Variants in ABLIM2 observed in about 807,000 individuals in gnomAD.
The protein encoded by ABLIM2 is actin binding LIM protein family member 2, also known as actin-binding LIM protein 2.
A neutral mutation model predicts 97.7 loss-of-function variants in ABLIM2; 53 were observed. The ratio of observed to expected loss-of-function variants is 0.54; its 90% CI spans 0.44 to 0.68. The LOEUF (loss-of-function observed/expected upper bound fraction) is 0.68, where lower values mean the gene tolerates loss of function less well. Among genes scored for constraint, ABLIM2 ranks in the 30% least tolerant of loss-of-function variants. The pLI is 0.00. For synonymous variants in ABLIM2, 361 were observed against 345.8 expected (o/e 1.04, Z -0.49); for missense variants, 835 against 867.2 (o/e 0.96, Z 0.47).
At chr4:8,115,228 A>G (rs10938691) in intron 1 of ABLIM2, among the ~76,000 whole-genome samples, 110,838 of 152,024 alleles carry the variant, frequency 0.73, 41,106 homozygotes, top group South Asian at 0.94. Flanking sequence ...ACCTCCTGGG[A>G]TGTCATCCAC....
intron 20 of ABLIM2, among the ~76,000 whole-genome samples, chr4:7,973,501 GAAA>G (rs35927675): frequency 7.2e-6 from 1 of 139,406 alleles, no homozygotes; most frequent in Non-Finnish European, 1.6e-5. Context: ...ACTACGTCTT[GAAA>G]AAAAAAAAAG....
In ABLIM2 at chr4:8,044,279, C is replaced by G. The variant is rs1790695335; in HGVS notation, c.900+885G>C. Among the ~76,000 whole-genome samples the G allele has an allele frequency of 6.6e-6, 1 of 152,100 alleles. No individual in the cohort carries two copies. The highest frequency in any genetic ancestry group is 2.4e-5 in the African/African-American group (1 of 41,418). On this transcript the variant is annotated intron_variant, in intron 9 of 20. Transcript: ENST00000447017. The surrounding 1 kb of genome is among the most constrained non-coding windows in gnomAD (Gnocchi z 4.4). ...GTCCCAGTCACCAGCCATTCCAGTG[C>G]TGGGTTCTGGTGCAGGGGCAGCCTA...
chr4:7,989,952 C>G (rs1578063078), intron 17 of ABLIM2, among the ~76,000 whole-genome samples: 1 of 152,210 alleles, frequency 6.6e-6, no homozygotes, highest in Non-Finnish European at 1.5e-5. Context: ...GAGCATCTAC[C>G]ATGCATCAGG....
intron 1 of ABLIM2, among the ~76,000 whole-genome samples, chr4:8,145,152 G>C (rs1013935687): frequency 2.0e-5 from 3 of 151,812 alleles, no homozygotes; most frequent in African/African-American, 7.3e-5. Context: ...CCTGTGCCCA[G>C]TGTTGCTAGG....
At chr4:8,037,294 GCA>G (rs141721278) in intron 9 of ABLIM2, among the ~76,000 whole-genome samples, 10,215 of 151,346 alleles carry the variant, frequency 0.067, 379 homozygotes, top group East Asian at 0.15. Flanking sequence ...ACGCACACAT[GCA>G]CACACACACG....
At chr4:8,137,110 G>T (rs1344102299) in intron 1 of ABLIM2, among the ~76,000 whole-genome samples, 1 of 152,204 alleles carries the variant, frequency 6.6e-6, no homozygotes, top group Non-Finnish European at 1.5e-5. Context: ...CTCCAGAAGT[G>T]TGAGAGTTCA....
At chr4:8,114,814 C>A (rs1157725681) in intron 1 of ABLIM2, among the ~76,000 whole-genome samples, 1 of 152,188 alleles carries the variant, frequency 6.6e-6, no homozygotes, top group African/African-American at 2.4e-5. Context: ...CGTCCCCAAA[C>A]AGTCACCAGA....
chr4:8,138,955 G>A (rs1850552822), intron 1 of ABLIM2, among the ~76,000 whole-genome samples: 1 of 152,224 alleles, frequency 6.6e-6, no homozygotes, highest in Non-Finnish European at 1.5e-5. Flanking sequence ...CCAGCACTTT[G>A]GGAGGCCTAG....
rs1332024823 is a variant in ABLIM2, at chr4:7,966,714, C to T, written c.*276G>A. On this transcript the variant is annotated 3_prime_UTR_variant, in exon 21 of 21. Coordinates refer to ENST00000447017, the MANE Select transcript of ABLIM2 (RefSeq NM_001130083.2). ...GGGCTGGGCTGCAGCCACCTGTGTGCTCCATCTGATGCCCGACACAGCCAC... is the reference window on the plus strand; with the variant it reads ...GGGCTGGGCTGCAGCCACCTGTGTGTTCCATCTGATGCCCGACACAGCCAC... 9.1e-6 allele frequency: 4 copies of T among 440,322 alleles called. No homozygotes were observed. Among genetic ancestry groups the T allele is most frequent in the African/African-American group, 7.8e-5 (4 of 51,062 alleles). The allele number at this position is 440,322 out of a possible 1,614,324, so 27.3% of individuals were successfully genotyped here. A position where few individuals can be genotyped will look rare whatever the true frequency, so the allele number is the denominator to read the frequency against.
At chr4:8,016,595 C>T (rs1335229075) in intron 14 of ABLIM2, among the ~76,000 whole-genome samples, 1 of 152,138 alleles carries the variant, frequency 6.6e-6, no homozygotes, top group Non-Finnish European at 1.5e-5. Flanking sequence ...TTGCAGGTCC[C>T]AGGAAGAAAT....
Position 8,125,336 on chromosome 4 carries a change from C to T in ABLIM2, c.11-18699G>A, listed in dbSNP as rs771602609. Among the ~76,000 whole-genome samples, 37 of 152,172 alleles carry T rather than the reference C, an allele frequency of 2.4e-4. No individual in the cohort carries two copies. The highest frequency in any genetic ancestry group is 4.1e-4 in the South Asian group (2 of 4,828). ...TCTGAGTGTTCTTCTAAGAGATTTA[C>T]GGGTTTTTTGGTTTTACTGTAATTT... On this transcript the variant is annotated intron_variant, in intron 1 of 20. Transcript: ENST00000447017. This position sits in a 1 kb window ranked among gnomAD's most constrained non-coding sequence, Gnocchi z 6.2.
intron 12 of ABLIM2, among the ~76,000 whole-genome samples, chr4:8,024,301 C>G (rs1775906178): frequency 6.6e-6 from 1 of 152,222 alleles, no homozygotes; most frequent in East Asian, 1.9e-4. Context: ...ACAGGGGACA[C>G]GCCAAACTGA....
chr4:8,097,084 T>C lies in ABLIM2; in HGVS notation c.338+15A>G, dbSNP rs746724686. 5.0e-6 allele frequency: 8 copies of C among 1,590,552 alleles called. No individual in the cohort carries two copies. Among genetic ancestry groups the C allele is most frequent in the Non-Finnish European group, 6.9e-6 (8 of 1,166,782 alleles). ...AGAGGCAGGGGAAGCAGAGGCCAGGTGCCCACTTACTCACCGGCAGACGGC... is the reference window on the plus strand; with the variant it reads ...AGAGGCAGGGGAAGCAGAGGCCAGGCGCCCACTTACTCACCGGCAGACGGC... On this transcript the variant is annotated intron_variant, in intron 3 of 20. Transcript: ENST00000447017.
intron 20 of ABLIM2, among the ~76,000 whole-genome samples, chr4:7,974,173 G>GTCTA (rs370714600): frequency 1.6e-4 from 24 of 151,932 alleles, no homozygotes; most frequent in African/African-American, 5.3e-4. Context: ...CTGTCTGTCT[G>GTCTA]TCTATCTATC....
rs753803722 is a variant in ABLIM2, at chr4:8,036,136, G to T, written c.1047+13C>A. ...GACACAGGTGTCCAGGGCCATGTGG[G>T]CAGGGTCCATACCTCGCCGTAGCTC... On this transcript the variant is annotated intron_variant, in intron 10 of 20. Coordinates refer to ENST00000447017, the MANE Select transcript of ABLIM2 (RefSeq NM_001130083.2). The T allele has an allele frequency of 2.5e-6, 4 of 1,613,012 alleles. No individual in the cohort carries two copies. In the East Asian group the frequency reaches 8.9e-5, roughly 36 times the overall value.
chr4:8,020,066 C>T, intron 13 of ABLIM2, 136 bp downstream of exon 13: 1 of 734,258 alleles, frequency 1.4e-6, no homozygotes, highest in African/African-American at 1.8e-5. Context: ...AATCTCAGTG[C>T]CTGGGGAGCA....
Position 8,153,963 on chromosome 4 carries a change from C to CTTTT in ABLIM2, c.10+4713_10+4716dup, listed in dbSNP as rs55681745. The stretch of plus-strand genomic sequence containing the variant: ...CTGTTTTCTAAATTAAACTTCTTTT[C>CTTTT]TTTTTTTTTTTTTTTTTGAGATACA... On this transcript the variant is annotated intron_variant, in intron 1 of 20. Transcript: ENST00000447017. 1.7e-4 allele frequency among the ~76,000 whole-genome samples: 23 copies of CTTTT among 131,860 alleles called. 1 individual carries two copies. Among genetic ancestry groups the CTTTT allele is most frequent in the Admixed American group, 2.4e-4 (3 of 12,424 alleles). 86.5% of individuals were successfully genotyped at this position (131,860 alleles called of 152,430 possible).
chr4:8,144,769 C>T (rs945392991), intron 1 of ABLIM2, among the ~76,000 whole-genome samples: 4 of 152,232 alleles, frequency 2.6e-5, no homozygotes, highest in South Asian at 2.1e-4. Flanking sequence ...GTGTTATGAC[C>T]CCCGCTATGC....
At position 8,140,329 on chromosome 4, in the gene ABLIM2, G is replaced by T. The variant is rs1362661182; in HGVS notation, c.10+18351C>A. 6.6e-6 allele frequency among the ~76,000 whole-genome samples: 1 copy of T among 152,176 alleles called. No homozygotes were observed. Among genetic ancestry groups the T allele is most frequent in the Non-Finnish European group, 1.5e-5 (1 of 68,040 alleles). ...TCTGGTGAAGGAAACAGAGAATGTGGTCAAACACACCACAGGGAGCCATGC... is the reference window on the plus strand; with the variant it reads ...TCTGGTGAAGGAAACAGAGAATGTGTTCAAACACACCACAGGGAGCCATGC... On this transcript the variant is annotated intron_variant, in intron 1 of 20. Transcript: ENST00000447017. The surrounding 1 kb of genome is among the most constrained non-coding windows in gnomAD (Gnocchi z 5.9).
Sources: gnomAD v4.1 joint callset for allele counts (sites outside exome capture counted in the v4.1 genomes callset) on GRCh38, gnomAD v4.1.1 for gene constraint, Gnocchi (gnomAD v3.1) non-coding constraint, MANE v1.5 for transcripts, NCBI Gene and HGNC (gene_info 2026-07-23, HGNC 2026-07-21) for gene names.